The following PELP1 variants were observed in gnomAD, a reference collection of about 807,000 sequenced individuals.
PELP1 encodes the protein proline-, glutamic acid- and leucine-rich protein 1.
Under a neutral mutation model 95.5 loss-of-function variants are expected in PELP1, and 32 were observed. That is an observed-to-expected ratio of 0.34 (90% CI 0.25 to 0.45). The LOEUF (loss-of-function observed/expected upper bound fraction) is 0.45. Among genes scored for constraint, PELP1 ranks in the 20% least tolerant of loss-of-function variants. The pLI is 1.00. For missense variants in PELP1, 1,358 were observed against 1,444.8 expected, an observed-to-expected ratio of 0.94 and a Z score of 0.97; for synonymous variants, 668 against 600.1, an observed-to-expected ratio of 1.11 and a Z score of -1.65.
In PELP1 at chr17:4,673,383, G is replaced by T. The variant is rs750151202; in HGVS notation, c.1712C>A (p.Thr571Lys). The change falls in exon 15 of 17, where the codon ACG (threonine) becomes AAG (lysine). Residue 571 changes from threonine (T) to lysine (K), a missense_variant. By Grantham distance (78) the Thr-to-Lys change is moderately conservative. This residue lies in a region of PELP1 where 538 missense variants were observed against 628.1 expected (regional missense o/e 0.86). Transcript: ENST00000572293. The surrounding 1 kb of genome is among the most constrained non-coding windows in gnomAD (Gnocchi z 5.7). ...QGEVLGSSPY[T>K]SSRCRRELYC... ...GAGTTCACGGCGGCAGCGGGAGCTCGTGTACGGGGAGCTGCCTAGGACCTC... is the reference window on the plus strand; with the variant it reads ...GAGTTCACGGCGGCAGCGGGAGCTCTTGTACGGGGAGCTGCCTAGGACCTC... The T allele has an allele frequency of 6.3e-7, 1 of 1,597,406 alleles. No homozygotes were observed.
chr17:4,698,008 GT>G (rs60403748), intron 1 of PELP1, among the ~76,000 whole-genome samples: 3,048 of 133,514 alleles, frequency 0.023, 75 homozygotes, highest in African/African-American at 0.077. Flanking sequence ...TTTCTGCAAG[GT>G]TTTTTTTTTT....
In PELP1 at chr17:4,672,000, T is replaced by C; in HGVS notation, c.2991A>G (p.Pro997=). 6.4e-7 allele frequency: 1 copy of C among 1,559,984 alleles called. No individual in the cohort carries two copies. Among genetic ancestry groups the C allele is most frequent in the South Asian group, 1.3e-5 (1 of 79,852 alleles). Residue 997 remains proline, a synonymous_variant, in exon 16 of 17, where the codon CCA becomes CCG. Coordinates refer to ENST00000572293, the MANE Select transcript of PELP1 (RefSeq NM_014389.3). ...PPPESPPKVQ[P]EPEPEPGLLL... is the part of the protein sequence containing the mutation. ...GCAGCCCGGGTTCAGGTTCGGGTTC[T>C]GGCTGCACCTTTGGGGGAGACTCAG...
At chr17:4,698,424 G>A (rs576660246) in intron 1 of PELP1, among the ~76,000 whole-genome samples, 8 of 151,704 alleles carry the variant, frequency 5.3e-5, no homozygotes, top group South Asian at 4.2e-4. Context: ...TCTGAGGTCA[G>A]GAGTTCGAGA....
intron 1 of PELP1, among the ~76,000 whole-genome samples, chr17:4,701,548 A>T (rs1913538120): frequency 6.6e-6 from 1 of 152,258 alleles, no homozygotes; most frequent in African/African-American, 2.4e-5. Flanking sequence ...ATATACTCCA[A>T]GCTAGATATG....
chr17:4,691,687 G>C (rs986096002), intron 1 of PELP1: 11 of 511,998 alleles, frequency 2.1e-5, no homozygotes, highest in Admixed American at 3.4e-5. Flanking sequence ...CACCCAAGTA[G>C]TGCCAAACAC....
intron 3 of PELP1, among the ~76,000 whole-genome samples, chr17:4,683,510 C>T (rs56138123): frequency 0.34 from 45,714 of 132,972 alleles, 8,088 homozygotes; most frequent in Middle Eastern, 0.5. Flanking sequence ...TGAGCCATCA[C>T]GCCCAGCTGA....
intron 5 of PELP1, among the ~76,000 whole-genome samples, chr17:4,681,096 C>A (rs553514602): frequency 6.6e-6 from 1 of 152,258 alleles, no homozygotes; most frequent in African/African-American, 2.4e-5. Context: ...GGAGTTTAAA[C>A]AGGAATATAC....
At chr17:4,698,008 GTTT>G (rs60403748) in intron 1 of PELP1, among the ~76,000 whole-genome samples, 14 of 133,580 alleles carry the variant, frequency 1.0e-4, no homozygotes, top group Non-Finnish European at 1.4e-4. Context: ...TTTCTGCAAG[GTTT>G]TTTTTTTTTT....
intron 1 of PELP1, among the ~76,000 whole-genome samples, chr17:4,693,395 G>A (rs976101266): frequency 2.0e-5 from 3 of 152,142 alleles, no homozygotes; most frequent in East Asian, 1.9e-4. Flanking sequence ...CAGAAACTTC[G>A]GATACTACCA....
chr17:4,703,925 C>A lies in PELP1; in HGVS notation c.187G>T (p.Ala63Ser). 1.9e-6 allele frequency: 3 copies of A among 1,613,558 alleles called. No individual in the cohort carries two copies. The highest frequency in any genetic ancestry group is 2.5e-6 in the Non-Finnish European group (3 of 1,179,720). Reference sequence around the variant, plus strand: ...CACATGAGCCCGGGCAAATGTGGGGCCGAGCGGTTTGGGGGATGCACCGGA... The same window carrying A: ...CACATGAGCCCGGGCAAATGTGGGGACGAGCGGTTTGGGGGATGCACCGGA... ...VAPVHPPNRS[A>S]PHLPGLMCLL... The change falls in exon 1 of 17, where the codon GCC (alanine) becomes TCC (serine). Residue 63 changes from alanine (A) to serine (S), a missense_variant. Physicochemically the swap from Ala to Ser is moderately conservative, Grantham distance 99. Coordinates refer to ENST00000572293, the MANE Select transcript of PELP1 (RefSeq NM_014389.3).
In PELP1 at chr17:4,673,673, G is replaced by C. The variant is rs1330764872; in HGVS notation, c.1584C>G (p.Gly528=). 1.9e-6 allele frequency: 3 copies of C among 1,613,728 alleles called. No homozygotes were observed. Among genetic ancestry groups the C allele is most frequent in the Admixed American group, 3.3e-5 (2 of 60,022 alleles). The change falls in exon 14 of 17, where the codon GGC becomes GGG. Residue 528 remains glycine (G), a splice_region_variant and synonymous_variant. Transcript: ENST00000572293. The surrounding 1 kb of genome is among the most constrained non-coding windows in gnomAD (Gnocchi z 5.7). The part of the protein sequence containing the change: ...NSDVCAAALR[G]LSRTILMCGP... ...CACACATGAGGATGGTCCGGCTGAG[G>C]CCTGGGGAAGAAGAATGGTGTGTAA...
chr17:4,700,554 G>C (rs936742713), intron 1 of PELP1, among the ~76,000 whole-genome samples: 3 of 152,092 alleles, frequency 2.0e-5, no homozygotes, highest in Admixed American at 2.0e-4. Flanking sequence ...TGAGGCCTAC[G>C]TAGAAGACAG....
rs189700119 is a variant in PELP1 at position 4,699,396 on chromosome 17, T to A, written c.249+4467A>T. On this transcript the variant is annotated intron_variant, in intron 1 of 16. Transcript: ENST00000572293. ...CTCCATCTCAAAAAGAAAAAAAAAATGGAGAATCTAGGAGAAGGGTATATA... is the reference window on the plus strand; with the variant it reads ...CTCCATCTCAAAAAGAAAAAAAAAAAGGAGAATCTAGGAGAAGGGTATATA... Among the ~76,000 whole-genome samples, 693 of 151,320 alleles carry A rather than the reference T, an allele frequency of 4.6e-3. 7 individuals are homozygous for A. Among genetic ancestry groups the A allele is most frequent in the Admixed American group, 0.011 (163 of 15,172 alleles).
At chr17:4,696,097 G>A (rs1390721304) in intron 1 of PELP1, among the ~76,000 whole-genome samples, 1 of 150,746 alleles carries the variant, frequency 6.6e-6, no homozygotes, top group Non-Finnish European at 1.5e-5. Context: ...GGAGGCCAAG[G>A]CAGGAGGATG....
At chr17:4,693,523 C>A (rs539941116) in intron 1 of PELP1, among the ~76,000 whole-genome samples, 1 of 152,122 alleles carries the variant, frequency 6.6e-6, no homozygotes, top group African/African-American at 2.4e-5. Context: ...TAATAATATG[C>A]CAGCATCTCT....
intron 3 of PELP1, among the ~76,000 whole-genome samples, chr17:4,686,654 A>G (rs906673788): frequency 2.6e-5 from 4 of 152,106 alleles, no homozygotes; most frequent in African/African-American, 9.7e-5. Context: ...AGTAGCTGGG[A>G]TTACAGGTGC....
chr17:4,691,351 G>A (rs769366550), intron 2 of PELP1, 27 bp downstream of exon 2: 4 of 1,568,670 alleles, frequency 2.5e-6, no homozygotes, highest in Admixed American at 3.4e-5. Context: ...ACACGCCCCT[G>A]GAGAAAAAAA....
intron 3 of PELP1, among the ~76,000 whole-genome samples, chr17:4,688,022 T>A (rs914536411): frequency 6.6e-6 from 1 of 152,000 alleles, no homozygotes; most frequent in Non-Finnish European, 1.5e-5. Flanking sequence ...GCCAGAGCAA[T>A]CAGACAAGAG....
Position 4,671,224 on chromosome 17 carries a change from G to T in PELP1, c.*215C>A. ...TCTGACACCATCGTGCTGAGTGATG[G>T]GACAGTCCATTACACCAATGTCAGT... On this transcript the variant is annotated 3_prime_UTR_variant, in exon 17 of 17. Transcript: ENST00000572293. 1 of 586,208 alleles carries T rather than the reference G, an allele frequency of 1.7e-6. No individual in the cohort carries two copies. Among genetic ancestry groups the T allele is most frequent in the Non-Finnish European group, 3.0e-6 (1 of 329,546 alleles). 36.3% of individuals were successfully genotyped at this position (586,208 alleles called of 1,614,324 possible). A position where few individuals can be genotyped will look rare whatever the true frequency, so the allele number is the denominator to read the frequency against.
Sources: gnomAD v4.1 joint callset for allele counts (sites outside exome capture counted in the v4.1 genomes callset) on GRCh38, gnomAD v4.1.1 for gene constraint, gnomAD v4.1.1 regional missense constraint, Gnocchi (gnomAD v3.1) non-coding constraint, MANE v1.5 for transcripts, NCBI Gene and HGNC (gene_info 2026-07-23, HGNC 2026-07-21) for gene names.